The following SH2D1B variants were observed in gnomAD, a reference collection of about 807,000 sequenced individuals.
SH2D1B encodes SH2 domain-containing protein 1B.
SH2D1B carries 11 observed loss-of-function variants against 16.3 expected under a neutral mutation model. The ratio of observed to expected loss-of-function variants is 0.67; its 90% confidence interval spans 0.42 to 1.11. The LOEUF is 1.11. SH2D1B is among the 50% of genes most tolerant of loss of function. SH2D1B has a pLI of 0.00. For missense variants in SH2D1B, 123 were observed against 153.1 expected (o/e 0.80, Z 1.04); for synonymous variants, 55 against 56.1 (o/e 0.98, Z 0.09).
intron 3 of SH2D1B, 85 bp from the exon 4 acceptor site, chr1:162,397,400 G>A: frequency 6.9e-7 from 1 of 1,453,396 alleles, no homozygotes; most frequent in Non-Finnish European, 9.6e-7. Flanking sequence ...AAGGAAAGAA[G>A]ACCCCTCCCC....
intron 1 of SH2D1B, among the ~76,000 whole-genome samples, chr1:162,408,348 A>ACAAATATT (rs1648697975): frequency 6.6e-6 from 1 of 151,828 alleles, no homozygotes; most frequent in South Asian, 2.1e-4. Flanking sequence ...CAGGGGCTTA[A>ACAAATATT]CAAATATTTA....
chr1:162,399,040 C>T lies in SH2D1B; in HGVS notation c.246G>A (p.Leu82=), dbSNP rs1170309214. 6.2e-7 allele frequency: 1 copy of T among 1,614,094 alleles called. No homozygotes were observed. Among genetic ancestry groups the T allele is most frequent in the Admixed American group, 1.7e-5 (1 of 60,024 alleles). ...GATTTGGTTTTTCAAATTTGGAGAT[C>T]AGTTCCTTTAGGCTTGGAAAGACCT... The part of the protein sequence containing the change: ...PKQVFPSLKE[L]ISKFEKPNQG... Residue 82 remains leucine, a synonymous_variant, in exon 3 of 4, where the codon CTG becomes CTA. Transcript: ENST00000367929.
chr1:162,397,143 A>C lies in SH2D1B; in HGVS notation c.*137T>G. On this transcript the variant is annotated 3_prime_UTR_variant, in exon 4 of 4. Transcript: ENST00000367929. Reference sequence around the variant, plus strand: ...GTGACCTCTGGTGCTGGTGGGCAGAACATCTTCAGTTACACAACCAGGAGA... The same window carrying C: ...GTGACCTCTGGTGCTGGTGGGCAGACCATCTTCAGTTACACAACCAGGAGA... 1.1e-6 allele frequency: 1 copy of C among 892,824 alleles called. No individual in the cohort carries two copies. The highest frequency in any genetic ancestry group is 1.8e-6 in the Non-Finnish European group (1 of 562,768). The allele number at this position is 892,824 out of a possible 1,614,324, so 55.3% of individuals were successfully genotyped here.
In SH2D1B at chr1:162,412,073, A is replaced by C; in HGVS notation, c.-57T>G. On this transcript the variant is annotated 5_prime_UTR_variant, in exon 1 of 4. Transcript: ENST00000367929. ...TTGGCCTGAAATTCACCCCCAAGTC[A>C]AGGGACAGCTCTGAGGAGAGATGTG... 1 of 1,610,176 alleles carries C rather than the reference A, an allele frequency of 6.2e-7. No individual in the cohort carries two copies. The highest frequency in any genetic ancestry group is 8.5e-7 in the Non-Finnish European group (1 of 1,177,318).
At position 162,402,078 on chromosome 1, in the gene SH2D1B, G is replaced by C. The variant is rs539667484; in HGVS notation, c.198+661C>G. Among the ~76,000 whole-genome samples, 5 of 152,274 alleles carry C rather than the reference G, an allele frequency of 3.3e-5. No homozygotes were observed. In the South Asian group the frequency reaches 1.0e-3, roughly 32 times the overall value. On this transcript the variant is annotated intron_variant, in intron 2 of 3. Transcript: ENST00000367929. Reference sequence around the variant, plus strand: ...GCACACTTGACTCCCTAAACACTCTGACCTCTTTCCACCGTCCCTTTCTAG... The same window carrying C: ...GCACACTTGACTCCCTAAACACTCTCACCTCTTTCCACCGTCCCTTTCTAG...
chr1:162,411,441 G>A (rs1648792923), intron 1 of SH2D1B, among the ~76,000 whole-genome samples: 1 of 152,206 alleles, frequency 6.6e-6, no homozygotes, highest in Admixed American at 6.5e-5. Flanking sequence ...CTAACAAAAT[G>A]TGAAATATGA....
chr1:162,396,486 T>A lies in SH2D1B; in HGVS notation c.*794A>T, dbSNP rs918106227. The A allele has an allele frequency of 3.9e-5, 6 of 152,154 alleles. No homozygotes were observed. The highest frequency in any genetic ancestry group is 1.4e-4 in the African/African-American group (6 of 41,404). The allele number at this position is 152,154 out of a possible 1,614,324, so 9.4% of individuals were successfully genotyped here. ...TGCTTTGATGGCACTTAGAACCTAG[T>A]TGGGAACAGAAATCACACATAGAAT... On this transcript the variant is annotated 3_prime_UTR_variant, in exon 4 of 4. Coordinates refer to ENST00000367929, the MANE Select transcript of SH2D1B (RefSeq NM_053282.5).
chr1:162,410,297 C>T (rs1177720502), intron 1 of SH2D1B, among the ~76,000 whole-genome samples: 2 of 152,212 alleles, frequency 1.3e-5, no homozygotes, highest in Non-Finnish European at 2.9e-5. Context: ...TGCTCCTTGG[C>T]CATAAATTCC....
In SH2D1B at chr1:162,396,749, C is replaced by T. The variant is rs987865454; in HGVS notation, c.*531G>A. ...CTGATCTGTATGCATCTCCATCACT[C>T]CCGATCCCTCACCTTCACCTGACAC... On this transcript the variant is annotated 3_prime_UTR_variant, in exon 4 of 4. Transcript: ENST00000367929. 6.4e-6 allele frequency: 1 copy of T among 155,706 alleles called. No individual in the cohort carries two copies. Among genetic ancestry groups the T allele is most frequent in the African/African-American group, 2.4e-5 (1 of 41,422 alleles). 9.6% of individuals were successfully genotyped at this position (155,706 alleles called of 1,614,324 possible).
At position 162,412,105 on chromosome 1, in the gene SH2D1B, G is replaced by T. The variant is rs1648811421; in HGVS notation, c.-89C>A. ...AGCTCTGAGGAGAGATGTGTAAGCA[G>T]CTGTACCTCCTGTGGAGCTACCTCT... is the stretch of plus-strand genomic sequence containing the variant. On this transcript the variant is annotated 5_prime_UTR_variant, in exon 1 of 4. The change creates a new upstream start codon in the 5' untranslated region. Coordinates refer to ENST00000367929, the MANE Select transcript of SH2D1B (RefSeq NM_053282.5). 3 of 1,549,854 alleles carry T rather than the reference G, an allele frequency of 1.9e-6. No homozygotes were observed. The highest frequency in any genetic ancestry group is 2.7e-6 in the Non-Finnish European group (3 of 1,131,512).
At chr1:162,399,815 A>G (rs1648464127) in intron 2 of SH2D1B, among the ~76,000 whole-genome samples, 1 of 152,126 alleles carries the variant, frequency 6.6e-6, no homozygotes, top group Admixed American at 6.5e-5. Context: ...AGCTCCATCC[A>G]TGTCCCTGCA....
chr1:162,411,208 A>C (rs1648787099), intron 1 of SH2D1B, among the ~76,000 whole-genome samples: 1 of 152,104 alleles, frequency 6.6e-6, no homozygotes, highest in Non-Finnish European at 1.5e-5. Context: ...CACCTGCCTC[A>C]GCCTCCCAAA....
rs143658004 is a variant in SH2D1B at position 162,404,394 on chromosome 1, T to G, written c.135-1592A>C. On this transcript the variant is annotated intron_variant, in intron 1 of 3. Transcript: ENST00000367929. ...ATATTTTTGAAAAATGCTGAGAGGA[T>G]ATTTTAAGTTTTCTCACTACAAAAA... 3.3e-5 allele frequency among the ~76,000 whole-genome samples: 5 copies of G among 152,314 alleles called. No homozygotes were observed. The East Asian group carries it at 9.7e-4, about 29-fold the overall frequency.
intron 1 of SH2D1B, 60 bp downstream of exon 1, chr1:162,411,823 T>C: frequency 6.2e-7 from 1 of 1,609,056 alleles, no homozygotes; most frequent in Non-Finnish European, 8.5e-7. Context: ...CTGTACTGTG[T>C]GGCAGCCATT....
At chr1:162,402,938 T>A in intron 1 of SH2D1B, 136 bp from the exon 2 acceptor site, 1 of 650,324 alleles carries the variant, frequency 1.5e-6, no homozygotes, top group Non-Finnish European at 2.6e-6. Flanking sequence ...GGACGGAATA[T>A]CACTCTGTCG....
At chr1:162,405,305 T>C (rs1350433949) in intron 1 of SH2D1B, among the ~76,000 whole-genome samples, 2 of 152,102 alleles carry the variant, frequency 1.3e-5, no homozygotes, top group Non-Finnish European at 2.9e-5. Context: ...TACAAAGGGG[T>C]GCAAGTGAAG....
In SH2D1B at chr1:162,403,502, AAAAAAAAAAATATATATATATATATAT is replaced by A. The variant is rs1391352188; in HGVS notation, c.135-727_135-701del. Reference sequence around the variant, plus strand: ...AGACTCTGTCTGAAAAAAAAAAAAAAAAAAAAAAAATATATATATATATATATATATATATATATATGTAATTACTAT... The same window carrying A: ...AGACTCTGTCTGAAAAAAAAAAAAAAATATATATATATATGTAATTACTAT... On this transcript the variant is annotated intron_variant, in intron 1 of 3. Transcript: ENST00000367929. Among the ~76,000 whole-genome samples the A allele has an allele frequency of 1.8e-4, 8 of 44,302 alleles. 1 individual carries two copies. The highest frequency in any genetic ancestry group is 2.7e-4 in the Non-Finnish European group (6 of 21,980). 29.1% of individuals were successfully genotyped at this position (44,302 alleles called of 152,430 possible).
At chr1:162,404,414 CA>C (rs1648603040) in intron 1 of SH2D1B, among the ~76,000 whole-genome samples, 1 of 152,146 alleles carries the variant, frequency 6.6e-6, no homozygotes, top group East Asian at 1.9e-4. Context: ...TTTCTCACTA[CA>C]AAAATGATAA....
At chr1:162,410,656 C>CTT (rs66614229) in intron 1 of SH2D1B, among the ~76,000 whole-genome samples, 19 of 129,972 alleles carry the variant, frequency 1.5e-4, no homozygotes, top group African/African-American at 4.0e-4. Context: ...TTTTCTTTTT[C>CTT]TTTTTTTTTT....
Sources: gnomAD v4.1 joint callset for allele counts (sites outside exome capture counted in the v4.1 genomes callset) on GRCh38, gnomAD v4.1.1 for gene constraint, MANE v1.5 for transcripts, NCBI Gene and HGNC (gene_info 2026-07-23, HGNC 2026-07-21) for gene names.